ADGRL3: variants seen among roughly 807,000 people sequenced by gnomAD.
ADGRL3 encodes adhesion G protein-coupled receptor L3.
Under a neutral mutation model 153.5 loss-of-function variants are expected in ADGRL3, and 62 were observed. The observed-to-expected ratio is 0.40, with a 90% CI of 0.33 to 0.50. ADGRL3 has a LOEUF of 0.50. ADGRL3 is among the 20% of genes least tolerant of loss of function. The probability of loss-of-function intolerance (pLI) is 0.47; values close to 1 mark genes in which losing one functional copy is unlikely to be tolerated. For synonymous variants in ADGRL3, 710 were observed against 672.5 expected, an observed-to-expected ratio of 1.06 and a Z score of -0.86; for missense variants, 1,641 against 1,859.4, an observed-to-expected ratio of 0.88 and a Z score of 2.16.
chr4:61,492,981 A>G (rs1194593935), intron 2 of ADGRL3, among the ~76,000 whole-genome samples: 1 of 152,150 alleles, frequency 6.6e-6, no homozygotes, highest in African/African-American at 2.4e-5. Flanking sequence ...TTTTGTTTTA[A>G]GACAGATAAC....
At chr4:61,880,043 G>C (rs1307618805) in intron 9 of ADGRL3, among the ~76,000 whole-genome samples, 1 of 152,152 alleles carries the variant, frequency 6.6e-6, no homozygotes, top group African/African-American at 2.4e-5. Context: ...TAATTTAAAA[G>C]GCGGTGGGTA....
chr4:61,452,765 A>T (rs771174488), intron 2 of ADGRL3, among the ~76,000 whole-genome samples: 2 of 152,152 alleles, frequency 1.3e-5, no homozygotes, highest in Non-Finnish European at 2.9e-5. Flanking sequence ...AATTCTCATG[A>T]TTTACTTTCT....
chr4:61,668,528 C>T (rs541725489), intron 5 of ADGRL3, among the ~76,000 whole-genome samples: 3 of 152,210 alleles, frequency 2.0e-5, no homozygotes, highest in South Asian at 4.2e-4. Flanking sequence ...TTGTCACTTG[C>T]TGGATTCAAA....
At chr4:61,652,483 C>T (rs147982706) in intron 5 of ADGRL3, among the ~76,000 whole-genome samples, 1,620 of 152,206 alleles carry the variant, frequency 0.011, 33 homozygotes, top group African/African-American at 0.036. Context: ...TGCTTTCTTG[C>T]TACAGTGACA....
chr4:61,573,512 A>G (rs1393202076), intron 4 of ADGRL3, among the ~76,000 whole-genome samples: 1 of 151,890 alleles, frequency 6.6e-6, no homozygotes, highest in Non-Finnish European at 1.5e-5. Context: ...CCCCCTCTCC[A>G]TTATTCCCTT....
At chr4:61,728,400 T>C (rs1377821374) in intron 6 of ADGRL3, among the ~76,000 whole-genome samples, 1 of 152,042 alleles carries the variant, frequency 6.6e-6, no homozygotes, top group Non-Finnish European at 1.5e-5. Context: ...TAATAGAGGT[T>C]AAAGCTCTTC....
chr4:61,353,682 C>A (rs898253352), intron 1 of ADGRL3, among the ~76,000 whole-genome samples: 5 of 142,296 alleles, frequency 3.5e-5, no homozygotes, highest in African/African-American at 7.8e-5. Flanking sequence ...CTCAAGTGAT[C>A]CTCCTGCCTT....
chr4:62,026,069 T>A (rs1272740673), intron 21 of ADGRL3, among the ~76,000 whole-genome samples: 1 of 152,164 alleles, frequency 6.6e-6, no homozygotes, highest in African/African-American at 2.4e-5. Flanking sequence ...AGGTAATCTT[T>A]AGTGATCTTT....
At chr4:62,011,122 T>C (rs1235122098) in intron 21 of ADGRL3, among the ~76,000 whole-genome samples, 1 of 152,128 alleles carries the variant, frequency 6.6e-6, no homozygotes, top group Non-Finnish European at 1.5e-5. Context: ...CATTCAAAAA[T>C]AAAGTATTTG....
chr4:61,726,323 C>T (rs965072880), intron 6 of ADGRL3, among the ~76,000 whole-genome samples: 4 of 151,030 alleles, frequency 2.6e-5, no homozygotes, highest in Non-Finnish European at 4.4e-5. Context: ...CTCAGCCTCC[C>T]GAGTTGCTGG....
At chr4:61,780,666 T>A (rs2097203740) in intron 8 of ADGRL3, among the ~76,000 whole-genome samples, 1 of 152,200 alleles carries the variant, frequency 6.6e-6, no homozygotes, top group Non-Finnish European at 1.5e-5. Flanking sequence ...CCCACTGATT[T>A]CCCTAAACAT....
chr4:61,571,485 C>A (rs1487491276), intron 4 of ADGRL3, among the ~76,000 whole-genome samples: 4 of 151,966 alleles, frequency 2.6e-5, no homozygotes, highest in African/African-American at 9.7e-5. Flanking sequence ...GGCACTCCAG[C>A]CTGGGTGACA....
rs1223722588 is a variant in ADGRL3 at position 62,070,424 on chromosome 4, C to T, written c.4148C>T (p.Ser1383Leu). The change falls in exon 27 of 27, where the codon TCG becomes TTG. Residue 1383 changes from serine to leucine, a missense_variant. By Grantham distance (145) the Ser-to-Leu change is moderately radical. Transcript: ENST00000683033. ...DDAIVLDDAT[S>L]FNHEESLGLE... The stretch of plus-strand genomic sequence containing the variant: ...GCCATTGTCCTGGATGATGCCACCT[C>T]GTTTAACCACGAGGAGAGTTTGGGC... The T allele has an allele frequency of 1.3e-6, 2 of 1,551,942 alleles. No individual in the cohort carries two copies.
At chr4:61,715,036 T>C (rs1261877627) in intron 6 of ADGRL3, among the ~76,000 whole-genome samples, 2 of 152,224 alleles carry the variant, frequency 1.3e-5, no homozygotes, top group Non-Finnish European at 2.9e-5. Flanking sequence ...AAATATTACA[T>C]AACCATTCAG....
intron 1 of ADGRL3, among the ~76,000 whole-genome samples, chr4:61,379,583 A>C (rs1451032523): frequency 6.6e-6 from 1 of 152,060 alleles, no homozygotes; most frequent in East Asian, 1.9e-4. Context: ...AACTGACAAC[A>C]CAATAGTCTT....
chr4:61,755,202 C>T (rs1272073426), intron 8 of ADGRL3, among the ~76,000 whole-genome samples: 2 of 152,108 alleles, frequency 1.3e-5, no homozygotes, highest in Non-Finnish European at 2.9e-5. Context: ...ACACTGACTT[C>T]CACAATGGTT....
At chr4:61,615,182 AAG>A (rs1186685638) in intron 5 of ADGRL3, among the ~76,000 whole-genome samples, 1 of 152,148 alleles carries the variant, frequency 6.6e-6, no homozygotes, top group South Asian at 2.1e-4. Flanking sequence ...CCTAAGGATG[AAG>A]AGTTTAAGAA....
chr4:61,715,942 TAAAGTAA>T, intron 6 of ADGRL3, among the ~76,000 whole-genome samples: 1 of 120,466 alleles, frequency 8.3e-6, no homozygotes, highest in Admixed American at 8.2e-5. Flanking sequence ...TGTTTGCCCT[TAAAGTAA>T]AAAAAAAAAA....
chr4:61,476,731 A>AC (rs2098063672), intron 2 of ADGRL3, among the ~76,000 whole-genome samples: 2 of 147,776 alleles, frequency 1.4e-5, no homozygotes, highest in African/African-American at 4.9e-5. Context: ...AAAAAAAAAA[A>AC]AAAAAAACAA....
Sources: gnomAD v4.1 joint callset for allele counts (sites outside exome capture counted in the v4.1 genomes callset) on GRCh38, gnomAD v4.1.1 for gene constraint, MANE v1.5 for transcripts, NCBI Gene and HGNC (gene_info 2026-07-23, HGNC 2026-07-21) for gene names.